SLC35F3: variants seen among roughly 807,000 people sequenced by gnomAD.
SLC35F3 encodes putative thiamine transporter SLC35F3.
A neutral mutation model predicts 49.9 loss-of-function variants in SLC35F3; 25 were observed. The observed-to-expected ratio is 0.50, with a 90% CI of 0.37 to 0.70. SLC35F3 has a LOEUF of 0.70. SLC35F3 is among the 30% of genes least tolerant of loss of function. The probability of loss-of-function intolerance (pLI) is 0.00; values close to 1 mark genes in which losing one functional copy is unlikely to be tolerated. For missense variants in SLC35F3, 525 were observed against 639.8 expected (o/e 0.82, Z 1.94); for synonymous variants, 275 against 265.4 (o/e 1.04, Z -0.35).
Position 234,323,308 on chromosome 1 carries a change from T to G in SLC35F3, c.*65T>G, listed in dbSNP as rs1657677685. The G allele has an allele frequency of 1.4e-6, 2 of 1,426,638 alleles. No homozygotes were observed. The highest frequency in any genetic ancestry group is 1.9e-6 in the Non-Finnish European group (2 of 1,033,042). The allele number at this position is 1,426,638 out of a possible 1,614,324, so 88.4% of individuals were successfully genotyped here. A position where few individuals can be genotyped will look rare whatever the true frequency, so the allele number is the denominator to read the frequency against. ...CTATTCCTGCCGGGAGGAACCTCAGTTGGGTAAGGTGTACATACCTGTACA... is the reference window on the plus strand; with the variant it reads ...CTATTCCTGCCGGGAGGAACCTCAGGTGGGTAAGGTGTACATACCTGTACA... On this transcript the variant is annotated 3_prime_UTR_variant, in exon 8 of 8. Coordinates refer to ENST00000366618, the MANE Select transcript of SLC35F3 (RefSeq NM_173508.4). This position sits in a 1 kb window ranked among gnomAD's most constrained non-coding sequence, Gnocchi z 4.5.
intron 2 of SLC35F3, among the ~76,000 whole-genome samples, chr1:233,911,930 A>G (rs1300386363): frequency 6.6e-6 from 1 of 152,206 alleles, no homozygotes; most frequent in East Asian, 1.9e-4. Flanking sequence ...AGTCTAGTCT[A>G]GTCTAAAACT....
intron 2 of SLC35F3, among the ~76,000 whole-genome samples, chr1:234,125,763 A>G (rs1218571378): frequency 2.0e-5 from 3 of 152,178 alleles, no homozygotes; most frequent in African/African-American, 4.8e-5. Context: ...TTCACATATT[A>G]TAGTCAAAAT....
At chr1:234,122,572 T>C (rs933506648) in intron 2 of SLC35F3, among the ~76,000 whole-genome samples, 1 of 152,212 alleles carries the variant, frequency 6.6e-6, no homozygotes, top group African/African-American at 2.4e-5. Context: ...ATCTAGGTTT[T>C]AAGCCCCATA....
At chr1:234,302,650 G>A (rs1668710892) in intron 3 of SLC35F3, among the ~76,000 whole-genome samples, 1 of 152,184 alleles carries the variant, frequency 6.6e-6, no homozygotes, top group East Asian at 1.9e-4. Flanking sequence ...AGTGTTCACT[G>A]AGGAATAAGC....
intron 2 of SLC35F3, among the ~76,000 whole-genome samples, chr1:234,216,246 C>T (rs893618463): frequency 3.3e-5 from 5 of 152,152 alleles, no homozygotes; most frequent in African/African-American, 1.2e-4. Context: ...GGAAGCTGCC[C>T]ACTCCTACCT....
chr1:233,959,774 A>G (rs917717695), intron 2 of SLC35F3, among the ~76,000 whole-genome samples: 4 of 152,150 alleles, frequency 2.6e-5, no homozygotes, highest in Non-Finnish European at 5.9e-5. Context: ...CAGAGTGGGG[A>G]TTAGATCCAC....
At chr1:234,230,069 G>C (rs1182028339) in intron 2 of SLC35F3, among the ~76,000 whole-genome samples, 2 of 152,202 alleles carry the variant, frequency 1.3e-5, no homozygotes, top group Non-Finnish European at 2.9e-5. Context: ...TGAAAAGTTA[G>C]AGAAGGAGGG....
intron 2 of SLC35F3, among the ~76,000 whole-genome samples, chr1:233,977,090 C>T (rs1000952029): frequency 1.1e-4 from 17 of 152,132 alleles, no homozygotes; most frequent in African/African-American, 2.9e-4. Flanking sequence ...AGGGGCTCTG[C>T]GCATGCCCTT....
At chr1:234,139,951 T>TAATAAAATAAGATAA (rs1553308847) in intron 2 of SLC35F3, among the ~76,000 whole-genome samples, 1 of 90,564 alleles carries the variant, frequency 1.1e-5, no homozygotes, top group African/African-American at 4.0e-5. Context: ...CATCTCAAAA[T>TAATAAAATAAGATAA]AATAAAATAA....
chr1:234,140,802 G>T (rs1251556303), intron 2 of SLC35F3, among the ~76,000 whole-genome samples: 1 of 152,070 alleles, frequency 6.6e-6, no homozygotes, highest in Non-Finnish European at 1.5e-5. Context: ...ATAAAAAGAG[G>T]CTGACCCTGT....
At chr1:233,938,818 A>G (rs1336448352) in intron 2 of SLC35F3, among the ~76,000 whole-genome samples, 1 of 152,184 alleles carries the variant, frequency 6.6e-6, no homozygotes, top group Non-Finnish European at 1.5e-5. Context: ...AGGAAAGCAA[A>G]TACAAGAAAT....
intron 2 of SLC35F3, among the ~76,000 whole-genome samples, chr1:234,192,989 G>T (rs189852960): frequency 6.6e-6 from 1 of 152,282 alleles, no homozygotes; most frequent in East Asian, 1.9e-4. Context: ...TTATGGATGG[G>T]TAGAATCAAT....
At chr1:234,181,655 G>T (rs1008117495) in intron 2 of SLC35F3, among the ~76,000 whole-genome samples, 31 of 152,214 alleles carry the variant, frequency 2.0e-4, no homozygotes, top group African/African-American at 6.3e-4. Context: ...CAGTGTGAAT[G>T]TTGCTGATGG....
At chr1:234,318,229 G>A (rs942326056) in intron 5 of SLC35F3, among the ~76,000 whole-genome samples, 6 of 152,152 alleles carry the variant, frequency 3.9e-5, no homozygotes, top group African/African-American at 1.4e-4. Context: ...AAAAAGAACA[G>A]GTGCAAGAAA....
chr1:234,046,795 T>C lies in SLC35F3; in HGVS notation c.283+141037T>C, dbSNP rs1472966895. 1.3e-5 allele frequency among the ~76,000 whole-genome samples: 2 copies of C among 152,206 alleles called. No homozygotes were observed. Among genetic ancestry groups the C allele is most frequent in the Non-Finnish European group, 1.5e-5 (1 of 68,014 alleles). On this transcript the variant is annotated intron_variant, in intron 2 of 7. Coordinates refer to ENST00000366618, the MANE Select transcript of SLC35F3 (RefSeq NM_173508.4). This position sits in a 1 kb window ranked among gnomAD's most constrained non-coding sequence, Gnocchi z 4.4. The stretch of plus-strand genomic sequence containing the variant: ...ATAGACCTCTAATGCTAATATGAAG[T>C]ACATCTCTAATTCTAGTTTTTTTCG...
At chr1:234,011,514 A>T (rs1663719697) in intron 2 of SLC35F3, among the ~76,000 whole-genome samples, 1 of 152,208 alleles carries the variant, frequency 6.6e-6, no homozygotes, top group African/African-American at 2.4e-5. Flanking sequence ...GGTGGGAACC[A>T]ACTGTGAACA....
chr1:233,991,772 TAA>T (rs1663358666), intron 2 of SLC35F3, among the ~76,000 whole-genome samples: 2 of 152,220 alleles, frequency 1.3e-5, no homozygotes, highest in African/African-American at 4.8e-5. Flanking sequence ...TTTAGAGGAC[TAA>T]GTTTTGCCTC....
At chr1:234,155,815 G>C (rs1472646351) in intron 2 of SLC35F3, among the ~76,000 whole-genome samples, 1 of 149,744 alleles carries the variant, frequency 6.7e-6, no homozygotes, top group Non-Finnish European at 1.5e-5. Flanking sequence ...AAACCAATAG[G>C]GTGGAGTAAT....
chr1:233,932,083 G>A (rs1430292077), intron 2 of SLC35F3, among the ~76,000 whole-genome samples: 1 of 152,060 alleles, frequency 6.6e-6, no homozygotes, highest in African/African-American at 2.4e-5. Flanking sequence ...CATAAGTGGA[G>A]TGGAACAATG....
Sources: allele counts gnomAD v4.1 joint callset (sites outside exome capture counted in the v4.1 genomes callset), GRCh38; gene constraint gnomAD v4.1.1; non-coding constraint Gnocchi (gnomAD v3.1); transcripts MANE v1.5; gene names NCBI Gene and HGNC (gene_info 2026-07-23, HGNC 2026-07-21).